Variants in GLIS3 observed in about 807,000 individuals in gnomAD.
GLIS3 encodes zinc finger protein GLIS3.
In GLIS3, 53 loss-of-function variants were observed where a neutral mutation model predicts 78.6. The ratio of observed to expected loss-of-function variants is 0.67; its 90% CI spans 0.54 to 0.85. The LOEUF (loss-of-function observed/expected upper bound fraction) is 0.85, where lower values mean the gene tolerates loss of function less well. Ranked by LOEUF, GLIS3 falls within the 40% of genes least tolerant of loss-of-function variation. The probability of loss-of-function intolerance (pLI) is 0.00; values close to 1 mark genes in which losing one functional copy is unlikely to be tolerated. For synonymous variants in GLIS3, 684 were observed against 509.9 expected, an observed-to-expected ratio of 1.34 and a Z score of -4.60; for missense variants, 1,703 against 1,231.1, an observed-to-expected ratio of 1.38 and a Z score of -5.74.
intron 8 of GLIS3, among the ~76,000 whole-genome samples, chr9:3,861,907 G>A (rs771512937): frequency 4.6e-5 from 7 of 151,964 alleles, no homozygotes; most frequent in Non-Finnish European, 1.0e-4. Flanking sequence ...GTAACAAACC[G>A]GCACATCCTG....
chr9:4,454,022 AAAAAG>A, the GLIS3 span, among the ~76,000 whole-genome samples: 19 of 152,268 alleles, frequency 1.2e-4, no homozygotes, highest in East Asian at 1.9e-4. Flanking sequence ...TAAATTTTAA[AAAAAG>A]AAAAGAAAAC....
chr9:3,917,164 C>T (rs1322367900), intron 6 of GLIS3, among the ~76,000 whole-genome samples: 1 of 152,228 alleles, frequency 6.6e-6, no homozygotes, highest in Non-Finnish European at 1.5e-5. Context: ...AAATGAAAAA[C>T]TGAGGTTTTC....
intron 5 of GLIS3, 54 bp from the exon 6 acceptor site, chr9:3,932,524 G>C (rs886142709): frequency 2.4e-6 from 3 of 1,269,252 alleles, no homozygotes; most frequent in South Asian, 1.2e-5. Context: ...AAGGTAATTG[G>C]GGAATGTTTT....
intron 2 of GLIS3, among the ~76,000 whole-genome samples, chr9:4,325,464 A>G (rs1817585379): frequency 6.6e-6 from 1 of 152,200 alleles, no homozygotes; most frequent in African/African-American, 2.4e-5. Flanking sequence ...TTCAGAGCCC[A>G]CTGAAATTTT....
At chr9:3,980,680 C>G (rs1489615475) in intron 4 of GLIS3, among the ~76,000 whole-genome samples, 4 of 152,086 alleles carry the variant, frequency 2.6e-5, no homozygotes, top group Admixed American at 2.6e-4. Context: ...AATTTCTTTT[C>G]AAAAAGTGCA....
At chr9:4,388,981 C>G in the GLIS3 span, among the ~76,000 whole-genome samples, 1 of 151,974 alleles carries the variant, frequency 6.6e-6, no homozygotes, top group African/African-American at 2.4e-5. Context: ...GTAGGGGTAC[C>G]AACAATTGCT....
chr9:3,874,328 G>C (rs962400569), intron 8 of GLIS3, among the ~76,000 whole-genome samples: 1 of 152,228 alleles, frequency 6.6e-6, no homozygotes, highest in African/African-American at 2.4e-5. Context: ...ACACATGGAG[G>C]TTCCTGGAGG....
chr9:4,260,107 C>G (rs1381461168), intron 2 of GLIS3, among the ~76,000 whole-genome samples: 6 of 152,216 alleles, frequency 3.9e-5, no homozygotes, highest in African/African-American at 1.2e-4. Flanking sequence ...AATCCCCATA[C>G]CCTTCAGCTG....
chr9:4,279,291 C>G (rs1461886388), intron 2 of GLIS3, among the ~76,000 whole-genome samples: 1 of 52,594 alleles, frequency 1.9e-5, no homozygotes, highest in Non-Finnish European at 3.6e-5. Context: ...GAGCAAGACT[C>G]CATCTCAAAA....
At chr9:3,870,239 T>C (rs1820883340) in intron 8 of GLIS3, among the ~76,000 whole-genome samples, 1 of 152,184 alleles carries the variant, frequency 6.6e-6, no homozygotes, top group African/African-American at 2.4e-5. Context: ...CAAATTGTAA[T>C]CATATCAAGT....
intron 9 of GLIS3, among the ~76,000 whole-genome samples, chr9:3,836,199 T>A (rs1177340451): frequency 6.6e-6 from 1 of 152,198 alleles, no homozygotes; most frequent in African/African-American, 2.4e-5. Context: ...CTAAGCAGTT[T>A]GTGCCTGGGT....
At chr9:4,375,007 T>C in the GLIS3 span, among the ~76,000 whole-genome samples, 72 of 152,234 alleles carry the variant, frequency 4.7e-4, no homozygotes, top group Non-Finnish European at 7.9e-4. Context: ...CCCCCTACTG[T>C]TGGACATTTG....
At chr9:4,206,948 C>T (rs1357214988) in intron 2 of GLIS3, among the ~76,000 whole-genome samples, 1 of 152,164 alleles carries the variant, frequency 6.6e-6, no homozygotes, top group Non-Finnish European at 1.5e-5. Flanking sequence ...TGCTTAATAT[C>T]CTTATTTGGA....
At chr9:3,843,515 C>G (rs932947639) in intron 9 of GLIS3, among the ~76,000 whole-genome samples, 2 of 152,180 alleles carry the variant, frequency 1.3e-5, no homozygotes, top group African/African-American at 4.8e-5. Flanking sequence ...ATCCCGGGAT[C>G]TCTGTTATCT....
At chr9:4,069,366 GC>G (rs1827392606) in intron 4 of GLIS3, among the ~76,000 whole-genome samples, 1 of 152,162 alleles carries the variant, frequency 6.6e-6, no homozygotes, top group African/African-American at 2.4e-5. Context: ...CAAAACTCAG[GC>G]TCAGAAATCT....
intron 4 of GLIS3, among the ~76,000 whole-genome samples, chr9:4,080,593 AAATT>A: frequency 6.6e-6 from 1 of 152,322 alleles, no homozygotes; most frequent in Non-Finnish European, 1.5e-5. Flanking sequence ...AGGATTTTAA[AAATT>A]AATACTGATT....
chr9:4,397,016 CTTT>C, the GLIS3 span, among the ~76,000 whole-genome samples: 28 of 133,356 alleles, frequency 2.1e-4, no homozygotes, highest in African/African-American at 7.2e-4. Flanking sequence ...ATCCTTTTTT[CTTT>C]TTTTCTTTTT....
intron 2 of GLIS3, among the ~76,000 whole-genome samples, chr9:4,249,915 T>C (rs1341257561): frequency 6.6e-6 from 1 of 152,340 alleles, no homozygotes; most frequent in African/African-American, 2.4e-5. Context: ...ATGTGATGGA[T>C]TACATTTATT....
At chr9:4,012,777 T>TTTTTTTTTTTTTTTTTTTG (rs1822133385) in intron 4 of GLIS3, among the ~76,000 whole-genome samples, 1 of 143,994 alleles carries the variant, frequency 6.9e-6, no homozygotes, top group African/African-American at 2.5e-5. Context: ...TTTTTTTTTT[T>TTTTTTTTTTTTTTTTTTTG]TTTTTTTTTT....
Sources: gnomAD v4.1 joint callset for allele counts (sites outside exome capture counted in the v4.1 genomes callset) on GRCh38, gnomAD v4.1.1 for gene constraint, MANE v1.5 for transcripts, NCBI Gene and HGNC (gene_info 2026-07-23, HGNC 2026-07-21) for gene names.